Variants in TMEM150C observed in about 807,000 individuals in gnomAD.
TMEM150C encodes transmembrane protein 150C, also known as tentonin 3.
Under a neutral mutation model 29.9 loss-of-function variants are expected in TMEM150C, and 10 were observed. The ratio of observed to expected loss-of-function variants is 0.33; its 90% CI spans 0.21 to 0.57. TMEM150C has a LOEUF of 0.57. Among genes scored for constraint, TMEM150C ranks in the 20% least tolerant of loss-of-function variants. TMEM150C has a pLI of 0.88. For synonymous variants in TMEM150C, 101 were observed against 112.5 expected, an observed-to-expected ratio of 0.90 and a Z score of 0.64; for missense variants, 251 against 303.6, an observed-to-expected ratio of 0.83 and a Z score of 1.29.
At chr4:82,559,261 G>A (rs1725840190) in intron 1 of TMEM150C, among the ~76,000 whole-genome samples, 2 of 152,080 alleles carry the variant, frequency 1.3e-5, no homozygotes, top group South Asian at 4.1e-4. Context: ...CCATGTGACA[G>A]GGGCTGGGCA....
intron 1 of TMEM150C, among the ~76,000 whole-genome samples, chr4:82,504,911 T>A (rs1381502292): frequency 1.3e-5 from 2 of 152,102 alleles, no homozygotes; most frequent in Admixed American, 6.6e-5. Flanking sequence ...GCGCCTGTAG[T>A]CCCAGCTACT....
At chr4:82,497,347 T>C (rs1723590013) in intron 5 of TMEM150C, among the ~76,000 whole-genome samples, 1 of 152,188 alleles carries the variant, frequency 6.6e-6, no homozygotes, top group Admixed American at 6.5e-5. Context: ...ATTCAAGAAT[T>C]ACCCTATTTG....
At chr4:82,524,136 T>C (rs933178079) in intron 1 of TMEM150C, among the ~76,000 whole-genome samples, 3 of 147,214 alleles carry the variant, frequency 2.0e-5, no homozygotes, top group Non-Finnish European at 4.5e-5. Flanking sequence ...GGCGTGGTGG[T>C]GGGTGCCTGT....
Position 82,483,699 on chromosome 4 carries a change from T to C in TMEM150C, c.*1812A>G, listed in dbSNP as rs1047250808. The C allele has an allele frequency of 1.3e-5, 2 of 152,182 alleles. No individual in the cohort carries two copies. The highest frequency in any genetic ancestry group is 4.8e-5 in the African/African-American group (2 of 41,444). 9.4% of individuals were successfully genotyped at this position (152,182 alleles called of 1,614,324 possible). A position where few individuals can be genotyped will look rare whatever the true frequency, so the allele number is the denominator to read the frequency against. On this transcript the variant is annotated 3_prime_UTR_variant, in exon 8 of 8. Transcript: ENST00000449862. The stretch of plus-strand genomic sequence containing the variant: ...CACCTAGTATGTGCCAGGCACTGTG[T>C]TAAGAGGTGGGGAACAATACAGAGA...
chr4:82,484,697 A>G lies in TMEM150C; in HGVS notation c.*814T>C, dbSNP rs925576173. The G allele has an allele frequency of 1.3e-5, 2 of 152,236 alleles. No homozygotes were observed. Among genetic ancestry groups the G allele is most frequent in the African/African-American group, 4.8e-5 (2 of 41,464 alleles). The allele number at this position is 152,236 out of a possible 1,614,324, so 9.4% of individuals were successfully genotyped here. On this transcript the variant is annotated 3_prime_UTR_variant, in exon 8 of 8. Transcript: ENST00000449862. ...GTCTACATCTTTGTCCATGAGGCTT[A>G]GAGAGACTCATGGTAGTTACTTAAA...
chr4:82,524,557 C>T (rs1220774014), intron 1 of TMEM150C, among the ~76,000 whole-genome samples: 1 of 152,082 alleles, frequency 6.6e-6, no homozygotes, highest in Admixed American at 6.6e-5. Flanking sequence ...GATGTCTTTC[C>T]TTCTTATTTA....
intron 1 of TMEM150C, among the ~76,000 whole-genome samples, chr4:82,506,615 G>A (rs941040112): frequency 2.6e-5 from 4 of 152,158 alleles, no homozygotes; most frequent in Admixed American, 6.5e-5. Context: ...CTATTTATAC[G>A]TAACATTCTA....
intron 5 of TMEM150C, among the ~76,000 whole-genome samples, chr4:82,499,416 T>A (rs1039661439): frequency 6.6e-6 from 1 of 152,070 alleles, no homozygotes; most frequent in African/African-American, 2.4e-5. Context: ...TTTTCCTGTC[T>A]ATTTTCAAAA....
At chr4:82,487,854 T>G (rs1313664640) in intron 7 of TMEM150C, among the ~76,000 whole-genome samples, 1 of 152,230 alleles carries the variant, frequency 6.6e-6, no homozygotes, top group African/African-American at 2.4e-5. Flanking sequence ...CTATTCATAT[T>G]TTAAAGCTAC....
chr4:82,545,860 G>A lies in TMEM150C; in HGVS notation c.-11+16046C>T, dbSNP rs562518377. Among the ~76,000 whole-genome samples, 68 of 152,250 alleles carry A rather than the reference G, an allele frequency of 4.5e-4. No individual in the cohort carries two copies. In the South Asian group the frequency reaches 6.4e-3, roughly 14 times the overall value. On this transcript the variant is annotated intron_variant, in intron 1 of 7. Coordinates refer to ENST00000449862, the MANE Select transcript of TMEM150C (RefSeq NM_001080506.3). Reference sequence around the variant, plus strand: ...GAATTGCTGGAACCCAGGAGGCGGAGGTTGCAGTGAGCTGAGATTGCACCA... The same window carrying A: ...GAATTGCTGGAACCCAGGAGGCGGAAGTTGCAGTGAGCTGAGATTGCACCA...
intron 5 of TMEM150C, 66 bp from the exon 6 acceptor site, chr4:82,496,261 T>A: frequency 7.0e-7 from 1 of 1,435,898 alleles, no homozygotes; most frequent in East Asian, 2.3e-5. Context: ...TGAGGCAGAA[T>A]TCTATTATTA....
intron 1 of TMEM150C, among the ~76,000 whole-genome samples, chr4:82,527,856 A>G (rs1724705548): frequency 6.6e-6 from 1 of 152,202 alleles, no homozygotes; most frequent in South Asian, 2.1e-4. Context: ...GCTTGAATCC[A>G]ATGAAAACAT....
At position 82,540,114 on chromosome 4, in the gene TMEM150C, C is replaced by CTTTTTTTTTT. The variant is rs577728662; in HGVS notation, c.-11+21782_-11+21791dup. 8.9e-4 allele frequency among the ~76,000 whole-genome samples: 42 copies of CTTTTTTTTTT among 47,254 alleles called. 7 individuals carry two copies. Among genetic ancestry groups the CTTTTTTTTTT allele is most frequent in the Non-Finnish European group, 1.7e-3 (33 of 19,290 alleles). 31.0% of individuals were successfully genotyped at this position (47,254 alleles called of 152,430 possible). On this transcript the variant is annotated intron_variant, in intron 1 of 7. Coordinates refer to ENST00000449862, the MANE Select transcript of TMEM150C (RefSeq NM_001080506.3). ...TAGTCATTCAATGTTTCTACCTATT[C>CTTTTTTTTTT]TTTTTTTTTTTTTTTTTTTTTTTTT...
intron 1 of TMEM150C, among the ~76,000 whole-genome samples, chr4:82,535,575 T>A (rs1378030875): frequency 6.6e-6 from 1 of 152,102 alleles, no homozygotes; most frequent in African/African-American, 2.4e-5. Context: ...CAATTCCCAG[T>A]CAGGATGTGT....
Position 82,518,302 on chromosome 4 carries a change from C to T in TMEM150C, c.-10-13635G>A, listed in dbSNP as rs572024439. On this transcript the variant is annotated intron_variant, in intron 1 of 7. Transcript: ENST00000449862. The stretch of plus-strand genomic sequence containing the variant: ...CTCCACTCCAGCCTGGATGACAGAG[C>T]GAGACCCCATCTCAAAAAAAAAAAA... 7.3e-5 allele frequency among the ~76,000 whole-genome samples: 11 copies of T among 151,292 alleles called. No homozygotes were observed. In the East Asian group the frequency reaches 9.7e-4, roughly 13 times the overall value.
intron 7 of TMEM150C, among the ~76,000 whole-genome samples, chr4:82,486,785 T>C (rs143392439): frequency 3.3e-5 from 5 of 152,050 alleles, no homozygotes; most frequent in African/African-American, 4.8e-5. Context: ...TATGCCTGGA[T>C]ATATATATGG....
In TMEM150C at chr4:82,531,477, C is replaced by T. The variant is rs1724843195; in HGVS notation, c.-10-26810G>A. 2.0e-5 allele frequency among the ~76,000 whole-genome samples: 3 copies of T among 152,160 alleles called. No homozygotes were observed. The South Asian group carries it at 6.2e-4, about 32-fold the overall frequency. Reference sequence around the variant, plus strand: ...GGCTGAAAAAGTGGTCATAGAAGGGCCAGGCATGGTGGCTCACACCTGTAA... The same window carrying T: ...GGCTGAAAAAGTGGTCATAGAAGGGTCAGGCATGGTGGCTCACACCTGTAA... On this transcript the variant is annotated intron_variant, in intron 1 of 7. Coordinates refer to ENST00000449862, the MANE Select transcript of TMEM150C (RefSeq NM_001080506.3).
chr4:82,552,276 A>T (rs1340969851), intron 1 of TMEM150C, among the ~76,000 whole-genome samples: 1 of 152,236 alleles, frequency 6.6e-6, no homozygotes, highest in East Asian at 1.9e-4. Flanking sequence ...AAAATGTATT[A>T]AAATGTGCTC....
intron 1 of TMEM150C, among the ~76,000 whole-genome samples, chr4:82,543,526 A>T (rs1358694039): frequency 6.6e-6 from 1 of 152,214 alleles, no homozygotes; most frequent in African/African-American, 2.4e-5. Flanking sequence ...TACTAGAAAA[A>T]AATGAAAGAA....
Sources: gnomAD v4.1 joint callset for allele counts (sites outside exome capture counted in the v4.1 genomes callset) on GRCh38, gnomAD v4.1.1 for gene constraint, MANE v1.5 for transcripts, NCBI Gene and HGNC (gene_info 2026-07-23, HGNC 2026-07-21) for gene names.